The following TACR2 variants were observed in gnomAD, a reference collection of about 807,000 sequenced individuals.
The protein encoded by TACR2 is substance-K receptor.
A neutral mutation model predicts 28.9 loss-of-function variants in TACR2; 24 were observed. That is an observed-to-expected ratio of 0.83 (90% CI 0.60 to 1.17). The LOEUF (loss-of-function observed/expected upper bound fraction) is 1.17, where lower values mean the gene tolerates loss of function less well. TACR2 is among the 50% of genes most tolerant of loss of function. TACR2 has a pLI of 0.00. For synonymous variants in TACR2, 222 were observed against 212.6 expected, an observed-to-expected ratio of 1.04 and a Z score of -0.38; for missense variants, 487 against 524.4, an observed-to-expected ratio of 0.93 and a Z score of 0.70.
chr10:69,413,993 G>T (rs966692508), intron 2 of TACR2, among the ~76,000 whole-genome samples: 5 of 152,160 alleles, frequency 3.3e-5, no homozygotes, highest in Non-Finnish European at 7.3e-5. Context: ...TGAGTGTGAG[G>T]CATCCTCCGG....
chr10:69,409,892 TATATATATATAC>T (rs1307137675), intron 2 of TACR2, among the ~76,000 whole-genome samples: 34 of 16,922 alleles, frequency 2.0e-3, no homozygotes, highest in South Asian at 6.7e-3. Flanking sequence ...CATATATACA[TATATATATATAC>T]ATATATATAT....
At chr10:69,410,173 C>T (rs1394416084) in intron 2 of TACR2, among the ~76,000 whole-genome samples, 3 of 151,726 alleles carry the variant, frequency 2.0e-5, no homozygotes, top group African/African-American at 7.3e-5. Flanking sequence ...GCTTCCTACC[C>T]CGTCCCCAGG....
intron 2 of TACR2, among the ~76,000 whole-genome samples, chr10:69,409,914 T>C (rs866564541): frequency 2.3e-3 from 58 of 25,016 alleles, no homozygotes; most frequent in South Asian, 6.7e-3. Flanking sequence ...CATATATATA[T>C]ATATATATAT....
intron 2 of TACR2, among the ~76,000 whole-genome samples, chr10:69,413,493 G>C (rs966167091): frequency 3.9e-5 from 6 of 152,226 alleles, no homozygotes; most frequent in Non-Finnish European, 5.9e-5. Context: ...GAGCCAGAAA[G>C]CCGGGCATTC....
chr10:69,407,132 A>G lies in TACR2; in HGVS notation c.890T>C (p.Met297Thr), dbSNP rs531449129. The G allele has an allele frequency of 1.2e-6, 2 of 1,614,064 alleles. No individual in the cohort carries two copies. The highest frequency in any genetic ancestry group is 1.7e-5 in the Admixed American group (1 of 59,998). Residue 297 changes from methionine (M) to threonine (T), a missense_variant, in exon 4 of 5, where the codon ATG becomes ACG. Physicochemically the swap from Met to Thr is moderately conservative, Grantham distance 81. Transcript: ENST00000373306. ...QVYLALFWLA[M>T]SSTMYNPIIY... ...GATGGGATTGTACATGGTAGAGCTC[A>G]TGGCCAACCAGAAGAGTGCCAGGTA...
Position 69,409,132 on chromosome 10 carries a change from G to C in TACR2, c.588-57C>G. 7 of 1,438,788 alleles carry C rather than the reference G, an allele frequency of 4.9e-6. No individual in the cohort carries two copies. In the South Asian group the frequency reaches 1.0e-4, roughly 21 times the overall value. The allele number at this position is 1,438,788 out of a possible 1,614,324, so 89.1% of individuals were successfully genotyped here. A position where few individuals can be genotyped will look rare whatever the true frequency, so the allele number is the denominator to read the frequency against. ...GGGCCCGGGGGCGACTCCGAAGTCT[G>C]CCAGCGCCTGGTCCTGGGACCCCGC... On this transcript the variant is annotated intron_variant, in intron 2 of 4. Coordinates refer to ENST00000373306, the MANE Select transcript of TACR2 (RefSeq NM_001057.3).
chr10:69,409,002 C>G lies in TACR2; in HGVS notation c.661G>C (p.Gly221Arg). Residue 221 changes from glycine to arginine, a missense_variant, in exon 3 of 5, where the codon GGC becomes CGC. Transcript: ENST00000373306. ...AVMFVAYSVIGLTLWRRAVPG... is the reference protein window; with the variant it reads ...AVMFVAYSVIRLTLWRRAVPG... ...ACTGCGCGCCTCCAGAGCGTGAGGC[C>G]GATGACGCTGTAGGCTACAAACATC... is the stretch of plus-strand genomic sequence containing the variant. The G allele has an allele frequency of 6.2e-7, 1 of 1,607,838 alleles. No homozygotes were observed.
In TACR2 at chr10:69,414,995, G is replaced by C; in HGVS notation, c.537C>G (p.Thr179=). The stretch of plus-strand genomic sequence containing the variant: ...CTTCGGGCCAGGCCACCACGCACTT[G>C]GTGGCACCCTGGTCCATGGTGACGG... ...YSTVTMDQGA[T]KCVVAWPEDS... is the part of the protein sequence containing the mutation. The change falls in exon 2 of 5, where the codon ACC becomes ACG. Residue 179 remains threonine, a synonymous_variant. Coordinates refer to ENST00000373306, the MANE Select transcript of TACR2 (RefSeq NM_001057.3). 2 of 1,613,732 alleles carry C rather than the reference G, an allele frequency of 1.2e-6. No individual in the cohort carries two copies. The highest frequency in any genetic ancestry group is 2.2e-5 in the South Asian group (2 of 91,068).
In TACR2 at chr10:69,414,965, G is replaced by A. The variant is rs768961049; in HGVS notation, c.567C>T (p.Ser189=). The change falls in exon 2 of 5, where the codon AGC becomes AGT. Residue 189 remains serine, a synonymous_variant. Transcript: ENST00000373306. ...TKCVVAWPED[S]GGKTLLLYHL... is the part of the protein sequence containing the mutation. ...CTTACAGGAGGAGCGTCTTGCCCCC[G>A]CTGTCTTCGGGCCAGGCCACCACGC... 3.7e-5 allele frequency: 59 copies of A among 1,612,168 alleles called. No homozygotes were observed. Among genetic ancestry groups the A allele is most frequent in the South Asian group, 7.7e-5 (7 of 91,006 alleles).
In TACR2 at chr10:69,404,371, T is replaced by C. The variant is rs1479730232; in HGVS notation, c.*455A>G. ...AGATGTGGTCTTCTCGATTGGCTAC[T>C]TCTCAAAGGGTGCTACACCTCATTC... On this transcript the variant is annotated 3_prime_UTR_variant, in exon 5 of 5. Transcript: ENST00000373306. 2 of 152,494 alleles carry C rather than the reference T, an allele frequency of 1.3e-5. No individual in the cohort carries two copies. Among genetic ancestry groups the C allele is most frequent in the Non-Finnish European group, 2.9e-5 (2 of 68,238 alleles). 9.4% of individuals were successfully genotyped at this position (152,494 alleles called of 1,614,324 possible).
At chr10:69,414,807 T>C (rs1346806336) in intron 2 of TACR2, 138 bp downstream of exon 2, 2 of 896,040 alleles carry the variant, frequency 2.2e-6, no homozygotes, top group African/African-American at 1.7e-5. Context: ...CACAATCCCG[T>C]GTACACTCAC....
chr10:69,404,634 G>A lies in TACR2; in HGVS notation c.*192C>T. ...TGTGTGCAAAGAGATCACATGGTGA[G>A]AGAGGAAGCAAGACAGGGAAACTGA... On this transcript the variant is annotated 3_prime_UTR_variant, in exon 5 of 5. Coordinates refer to ENST00000373306, the MANE Select transcript of TACR2 (RefSeq NM_001057.3). The A allele has an allele frequency of 2.3e-6, 1 of 426,944 alleles. No individual in the cohort carries two copies. The highest frequency in any genetic ancestry group is 4.1e-6 in the Non-Finnish European group (1 of 242,342). The allele number at this position is 426,944 out of a possible 1,614,324, so 26.4% of individuals were successfully genotyped here. A position where few individuals can be genotyped will look rare whatever the true frequency, so the allele number is the denominator to read the frequency against.
chr10:69,415,795 G>T, intron 1 of TACR2, 137 bp downstream of exon 1: 4 of 1,033,998 alleles, frequency 3.9e-6, no homozygotes, highest in Non-Finnish European at 5.6e-6. Flanking sequence ...TCATAGTTTT[G>T]GACCATGACC....
rs1443558883 is a variant in TACR2, at chr10:69,414,958, T to C, written c.574A>G (p.Lys192Glu). ...CAGAGGCCTTACAGGAGGAGCGTCT[T>C]GCCCCCGCTGTCTTCGGGCCAGGCC... ...VVAWPEDSGG[K>E]TLLLYHLVVI... The change falls in exon 2 of 5, where the codon AAG becomes GAG. Residue 192 changes from lysine to glutamate, a missense_variant. Lys to Glu is a moderately conservative substitution (Grantham distance 56). Transcript: ENST00000373306. 1.9e-6 allele frequency: 3 copies of C among 1,611,564 alleles called. No homozygotes were observed. Among genetic ancestry groups the C allele is most frequent in the Admixed American group, 1.7e-5 (1 of 59,920 alleles).
chr10:69,409,931 AT>A (rs1589603291), intron 2 of TACR2, among the ~76,000 whole-genome samples: 8 of 97,156 alleles, frequency 8.2e-5, no homozygotes, highest in African/African-American at 2.0e-4. Context: ...ATATATATAT[AT>A]ATATATATAT....
At chr10:69,412,635 C>T (rs1414567043) in intron 2 of TACR2, among the ~76,000 whole-genome samples, 1 of 152,190 alleles carries the variant, frequency 6.6e-6, no homozygotes, top group Non-Finnish European at 1.5e-5. Flanking sequence ...TTGTTTAAAG[C>T]ATGATCTTAG....
intron 1 of TACR2, among the ~76,000 whole-genome samples, 200 bp downstream of exon 1, chr10:69,415,732 G>A (rs112425057): frequency 6.6e-5 from 10 of 152,320 alleles, no homozygotes; most frequent in African/African-American, 2.4e-4. Context: ...CCTTCTCTGT[G>A]TCTAACCCTC....
rs780608599 is a variant in TACR2, at chr10:69,408,911, C to T, written c.741+11G>A. On this transcript the variant is annotated intron_variant, in intron 3 of 4. Coordinates refer to ENST00000373306, the MANE Select transcript of TACR2 (RefSeq NM_001057.3). ...GCCCCGCCCCCTCCAGGCCCCCGCC[C>T]CCGCGCCCACCTTCTTCATGGCCTG... is the stretch of plus-strand genomic sequence containing the variant. 2.9e-6 allele frequency: 4 copies of T among 1,362,608 alleles called. No homozygotes were observed. The highest frequency in any genetic ancestry group is 3.8e-6 in the Non-Finnish European group (4 of 1,046,546). 84.4% of individuals were successfully genotyped at this position (1,362,608 alleles called of 1,614,324 possible).
Position 69,415,019 on chromosome 10 carries a change from G to T in TACR2, c.513C>A (p.Thr171=). ...ALASPQCFYS[T]VTMDQGATKC... ...TGGTGGCACCCTGGTCCATGGTGACGGTGGAGTAGAAGCACTGAGGGGAGG... is the reference window on the plus strand; with the variant it reads ...TGGTGGCACCCTGGTCCATGGTGACTGTGGAGTAGAAGCACTGAGGGGAGG... Residue 171 remains threonine, a synonymous_variant, in exon 2 of 5, where the codon ACC becomes ACA. Transcript: ENST00000373306. 1 of 1,613,920 alleles carries T rather than the reference G, an allele frequency of 6.2e-7. No homozygotes were observed. The highest frequency in any genetic ancestry group is 8.5e-7 in the Non-Finnish European group (1 of 1,180,026).
Sources: gnomAD v4.1 joint callset for allele counts (sites outside exome capture counted in the v4.1 genomes callset) on GRCh38, gnomAD v4.1.1 for gene constraint, MANE v1.5 for transcripts, NCBI Gene and HGNC (gene_info 2026-07-23, HGNC 2026-07-21) for gene names.